RAD18: variants seen among roughly 807,000 people sequenced by gnomAD.
RAD18 encodes E3 ubiquitin-protein ligase RAD18.
RAD18 carries 47 observed loss-of-function variants against 60.4 expected under a neutral mutation model. The ratio of observed to expected loss-of-function variants is 0.78; its 90% confidence interval spans 0.62 to 0.99. RAD18 has a LOEUF of 0.99. Among genes scored for constraint, RAD18 ranks in the 50% least tolerant of loss-of-function variants. RAD18 has a pLI of 0.00. For synonymous variants in RAD18, 225 were observed against 195.5 expected (o/e 1.15, Z -1.26); for missense variants, 640 against 593.3 (o/e 1.08, Z -0.82).
chr3:8,949,704 T>G (rs1940899369), intron 2 of RAD18, among the ~76,000 whole-genome samples: 2 of 152,094 alleles, frequency 1.3e-5, no homozygotes, highest in South Asian at 4.1e-4. Flanking sequence ...CACAACTTAC[T>G]GGAACAGAAA....
chr3:8,898,751 A>T (rs1394033910), intron 11 of RAD18, 143 bp downstream of exon 11: 2 of 687,366 alleles, frequency 2.9e-6, no homozygotes, highest in Non-Finnish European at 4.5e-6. Flanking sequence ...TGTGAAGAAG[A>T]CCCAGCAGTA....
At chr3:8,896,603 T>C (rs1396755833) in intron 11 of RAD18, among the ~76,000 whole-genome samples, 2 of 152,252 alleles carry the variant, frequency 1.3e-5, no homozygotes, top group Non-Finnish European at 2.9e-5. Flanking sequence ...AGAAGCACCA[T>C]GAGCCTATTT....
chr3:8,890,084 G>T, intron 12 of RAD18: 1 of 351,696 alleles, frequency 2.8e-6, no homozygotes, highest in Non-Finnish European at 5.4e-6. Context: ...CCACAACAAT[G>T]AAATCACATT....
intron 9 of RAD18, among the ~76,000 whole-genome samples, chr3:8,904,732 T>C (rs749774534): frequency 3.3e-5 from 5 of 152,182 alleles, no homozygotes; most frequent in Non-Finnish European, 7.4e-5. Context: ...TAGTTTCTAT[T>C]AGGCGAGGGT....
At chr3:8,918,692 C>T (rs1310179083) in intron 7 of RAD18, among the ~76,000 whole-genome samples, 1 of 152,134 alleles carries the variant, frequency 6.6e-6, no homozygotes. Context: ...CAAGAAAAAT[C>T]TACTCTTTAT....
intron 10 of RAD18, 145 bp from the exon 11 acceptor site, chr3:8,899,192 A>G (rs992633288): frequency 3.5e-5 from 19 of 547,942 alleles, no homozygotes; most frequent in Non-Finnish European, 3.0e-5. Context: ...ACAGCCAGAG[A>G]GCAAGAATTA....
chr3:8,908,012 G>A (rs1476342358), intron 9 of RAD18, among the ~76,000 whole-genome samples: 1 of 152,190 alleles, frequency 6.6e-6, no homozygotes, highest in Non-Finnish European at 1.5e-5. Flanking sequence ...TCAAGGTCCA[G>A]GGAACTATCC....
At chr3:8,961,426 A>G (rs991813361) in intron 1 of RAD18, among the ~76,000 whole-genome samples, 5 of 152,226 alleles carry the variant, frequency 3.3e-5, no homozygotes, top group African/African-American at 1.2e-4. Context: ...ATGGATGACA[A>G]CTATGGACTC....
At chr3:8,963,273 T>C in intron 1 of RAD18, 62 bp downstream of exon 1, 1 of 1,509,928 alleles carries the variant, frequency 6.6e-7, no homozygotes, top group Non-Finnish European at 9.0e-7. Context: ...GACATCCTCC[T>C]CAAAGGGAGG....
intron 6 of RAD18, among the ~76,000 whole-genome samples, chr3:8,939,100 A>G (rs1940701350): frequency 6.6e-6 from 1 of 151,994 alleles, no homozygotes; most frequent in African/African-American, 2.4e-5. Flanking sequence ...TATCATATAT[A>G]TTTATATAAT....
chr3:8,886,498 A>G (rs780214368), intron 12 of RAD18, among the ~76,000 whole-genome samples: 2 of 152,214 alleles, frequency 1.3e-5, no homozygotes, highest in Non-Finnish European at 1.5e-5. Context: ...CATAGAATCT[A>G]CTAGTGAATA....
chr3:8,878,127 T>A lies in RAD18; in HGVS notation c.*3230A>T, dbSNP rs932264395. The stretch of plus-strand genomic sequence containing the variant: ...ACAGAGCAGCGGTGAGGAGGGCAGA[T>A]GCTGGTAGAAGTCTGTCGGGGGGAG... On this transcript the variant is annotated 3_prime_UTR_variant, in exon 13 of 13. Coordinates refer to ENST00000264926, the MANE Select transcript of RAD18 (RefSeq NM_020165.4). The A allele has an allele frequency of 2.0e-5, 3 of 152,300 alleles. No homozygotes were observed. Among genetic ancestry groups the A allele is most frequent in the Non-Finnish European group, 4.4e-5 (3 of 68,134 alleles). 9.4% of individuals were successfully genotyped at this position (152,300 alleles called of 1,614,324 possible).
intron 11 of RAD18, among the ~76,000 whole-genome samples, chr3:8,898,138 A>T (rs930356386): frequency 6.6e-6 from 1 of 152,196 alleles, no homozygotes; most frequent in Non-Finnish European, 1.5e-5. Flanking sequence ...TCAGGTACAT[A>T]AGTAGAACAC....
intron 8 of RAD18, 124 bp downstream of exon 8, chr3:8,913,520 C>T: frequency 1.6e-6 from 1 of 643,330 alleles, no homozygotes; most frequent in East Asian, 3.2e-5. Flanking sequence ...GCAAGTAAAT[C>T]ATAATACACT....
intron 7 of RAD18, among the ~76,000 whole-genome samples, chr3:8,925,966 G>A (rs1940426068): frequency 6.6e-6 from 1 of 152,028 alleles, no homozygotes; most frequent in African/African-American, 2.4e-5. Flanking sequence ...TACTGAATGG[G>A]CAAAAACTGG....
intron 9 of RAD18, among the ~76,000 whole-genome samples, chr3:8,905,001 C>T (rs1939980005): frequency 6.6e-6 from 1 of 152,228 alleles, no homozygotes; most frequent in African/African-American, 2.4e-5. Context: ...TGGCTTTAGC[C>T]AGAGAATTCC....
At position 8,877,318 on chromosome 3, in the gene RAD18, G is replaced by T; in HGVS notation, c.*4039C>A. On this transcript the variant is annotated 3_prime_UTR_variant, in exon 13 of 13. Coordinates refer to ENST00000264926, the MANE Select transcript of RAD18 (RefSeq NM_020165.4). The stretch of plus-strand genomic sequence containing the variant: ...GCTTCCAAGATGGTGTGTTGTTGCT[G>T]AGTCCTCCAGAGGGAACGAAGACTG... 1 of 153,192 alleles carries T rather than the reference G, an allele frequency of 6.5e-6. No homozygotes were observed. Among genetic ancestry groups the T allele is most frequent in the South Asian group, 1.9e-4 (1 of 5,182 alleles). The allele number at this position is 153,192 out of a possible 1,614,324, so 9.5% of individuals were successfully genotyped here.
At chr3:8,901,624 G>A (rs1043924083) in intron 10 of RAD18, among the ~76,000 whole-genome samples, 1 of 152,170 alleles carries the variant, frequency 6.6e-6, no homozygotes, top group Non-Finnish European at 1.5e-5. Flanking sequence ...AAGTGGAATT[G>A]TTATTACCAG....
chr3:8,880,170 C>G lies in RAD18; in HGVS notation c.*1187G>C, dbSNP rs1216198863. The G allele has an allele frequency of 6.6e-6, 1 of 152,210 alleles. No homozygotes were observed. The highest frequency in any genetic ancestry group is 2.4e-5 in the African/African-American group (1 of 41,460). 9.4% of individuals were successfully genotyped at this position (152,210 alleles called of 1,614,324 possible). A position where few individuals can be genotyped will look rare whatever the true frequency, so the allele number is the denominator to read the frequency against. ...ATAAAGAAATCAAATGTCTGCACTT[C>G]ACTGTGAAAACACTAAACTCTCAGC... On this transcript the variant is annotated 3_prime_UTR_variant, in exon 13 of 13. Coordinates refer to ENST00000264926, the MANE Select transcript of RAD18 (RefSeq NM_020165.4).
Sources: allele counts gnomAD v4.1 joint callset (sites outside exome capture counted in the v4.1 genomes callset), GRCh38; gene constraint gnomAD v4.1.1; transcripts MANE v1.5; gene names NCBI Gene and HGNC (gene_info 2026-07-23, HGNC 2026-07-21).